The following ARFGEF1 variants were observed in gnomAD, a reference collection of about 807,000 sequenced individuals.
ARFGEF1 encodes brefeldin A-inhibited guanine nucleotide-exchange protein 1.
A neutral mutation model predicts 231.0 loss-of-function variants in ARFGEF1; 42 were observed. The observed-to-expected ratio is 0.18, with a 90% CI of 0.14 to 0.24. The LOEUF (loss-of-function observed/expected upper bound fraction) is 0.24. ARFGEF1 is among the 10% of genes least tolerant of loss of function. ARFGEF1 has a pLI of 1.00. For synonymous variants in ARFGEF1, 710 were observed against 732.3 expected (o/e 0.97, Z 0.49); for missense variants, 1,345 against 2,192.0 (o/e 0.61, Z 7.72).
intron 35 of ARFGEF1, 115 bp downstream of exon 35, chr8:67,204,565 C>T (rs554624872): frequency 7.7e-5 from 95 of 1,241,432 alleles, no homozygotes; most frequent in Non-Finnish European, 1.0e-4. Flanking sequence ...TTTAAAAGGA[C>T]ATCTGTATGA....
chr8:67,227,877 G>A, intron 25 of ARFGEF1, 86 bp downstream of exon 25: 1 of 1,139,332 alleles, frequency 8.8e-7, no homozygotes, highest in Non-Finnish European at 1.2e-6. Context: ...TTGCTTGGAA[G>A]GGAAAAAGGC....
chr8:67,253,430 TC>T lies in ARFGEF1; in HGVS notation c.2698+20del, dbSNP rs1381941730. Reference sequence around the variant, plus strand: ...ATTTTTCCCCTTGAACAATCAGAATTCAATTAATTTAGATACTTACTCTGTT... The same window carrying T: ...ATTTTTCCCCTTGAACAATCAGAATTAATTAATTTAGATACTTACTCTGTT... On this transcript the variant is annotated intron_variant, in intron 18 of 38. Transcript: ENST00000262215. 6.8e-7 allele frequency: 1 copy of T among 1,480,496 alleles called. No individual in the cohort carries two copies. Among genetic ancestry groups the T allele is most frequent in the Non-Finnish European group, 9.2e-7 (1 of 1,082,848 alleles). 91.7% of individuals were successfully genotyped at this position (1,480,496 alleles called of 1,614,324 possible). A position where few individuals can be genotyped will look rare whatever the true frequency, so the allele number is the denominator to read the frequency against.
At chr8:67,293,574 A>T (rs1587242586) in intron 5 of ARFGEF1, among the ~76,000 whole-genome samples, 1 of 152,200 alleles carries the variant, frequency 6.6e-6, no homozygotes, top group Non-Finnish European at 1.5e-5. Flanking sequence ...TCATCTATAA[A>T]AAAGAATGAG....
intron 1 of ARFGEF1, among the ~76,000 whole-genome samples, chr8:67,342,823 C>T (rs1453852822): frequency 1.3e-5 from 2 of 152,176 alleles, no homozygotes; most frequent in African/African-American, 4.8e-5. Flanking sequence ...AGCTCATCTT[C>T]TGCTTCATCA....
chr8:67,287,350 G>T (rs1342830116), intron 7 of ARFGEF1, among the ~76,000 whole-genome samples: 1 of 152,154 alleles, frequency 6.6e-6, no homozygotes, highest in Admixed American at 6.5e-5. Context: ...TGAATTAAGA[G>T]AATCTGTATG....
chr8:67,174,588 T>C, downstream of ARFGEF1: 1 of 152,100 alleles, frequency 6.6e-6, no homozygotes, highest in Non-Finnish European at 1.5e-5. Flanking sequence ...TAGTGAAACC[T>C]CGTCTCTACT....
At chr8:67,196,900 C>G (rs926987648), downstream of ARFGEF1, among the ~76,000 whole-genome samples, 10 of 152,128 alleles carry the variant, frequency 6.6e-5, no homozygotes, top group Non-Finnish European at 1.0e-4. Context: ...CACTTACTTA[C>G]AAATGCATTG....
At chr8:67,175,032 A>C, downstream of ARFGEF1, 1 of 395,200 alleles carries the variant, frequency 2.5e-6, no homozygotes, top group South Asian at 2.4e-5. Flanking sequence ...ACAGGTAGAG[A>C]TGGACAATGC....
chr8:67,322,060 T>G (rs2128928218), intron 1 of ARFGEF1, among the ~76,000 whole-genome samples: 1 of 152,328 alleles, frequency 6.6e-6, no homozygotes, highest in South Asian at 2.1e-4. Context: ...ACCTCTAGGC[T>G]TTTGCTCAAA....
At chr8:67,317,251 T>C (rs1807359158) in intron 1 of ARFGEF1, among the ~76,000 whole-genome samples, 1 of 152,196 alleles carries the variant, frequency 6.6e-6, no homozygotes, top group East Asian at 1.9e-4. Context: ...TCCTGAGTTC[T>C]GTGAGTTGCT....
At chr8:67,194,755 A>G (rs1837439953), downstream of ARFGEF1, among the ~76,000 whole-genome samples, 1 of 152,230 alleles carries the variant, frequency 6.6e-6, no homozygotes, top group East Asian at 1.9e-4. Flanking sequence ...ATACCTAATA[A>G]TAAATAAAAG....
rs550195162 is a variant in ARFGEF1, at chr8:67,232,490, T to C, written c.3380+365A>G. ...ACCTTTCATTTCATCCATAATGCAG[T>C]CTATATTGTGGACCCAGAAAAATAA... is the stretch of plus-strand genomic sequence containing the variant. On this transcript the variant is annotated intron_variant, in intron 23 of 38. Coordinates refer to ENST00000262215, the MANE Select transcript of ARFGEF1 (RefSeq NM_006421.5). Among the ~76,000 whole-genome samples the C allele has an allele frequency of 1.1e-4, 17 of 152,118 alleles. No individual in the cohort carries two copies. In the South Asian group the frequency reaches 1.5e-3, roughly 13 times the overall value.
chr8:67,338,986 C>T (rs1302120977), intron 1 of ARFGEF1, among the ~76,000 whole-genome samples: 1 of 152,126 alleles, frequency 6.6e-6, no homozygotes, highest in African/African-American at 2.4e-5. Context: ...ATTTCCCCTC[C>T]ACTGACGTAT....
At chr8:67,187,176 A>G (rs538870653) in intron 5 of ARFGEF1, among the ~76,000 whole-genome samples, 1 of 152,312 alleles carries the variant, frequency 6.6e-6, no homozygotes, top group South Asian at 2.1e-4. Context: ...TACAATCCCA[A>G]TAAAAATCCC....
chr8:67,328,209 C>T (rs897334367), intron 1 of ARFGEF1, among the ~76,000 whole-genome samples: 8 of 152,104 alleles, frequency 5.3e-5, no homozygotes, highest in African/African-American at 1.7e-4. Flanking sequence ...TGTACCTAGG[C>T]TGAAACTGTT....
intron 19 of ARFGEF1, among the ~76,000 whole-genome samples, chr8:67,242,913 C>T (rs114180633): frequency 0.017 from 2,516 of 152,222 alleles, 72 homozygotes; most frequent in African/African-American, 0.058. Flanking sequence ...GTGATGGCCA[C>T]GGGCTAAGGC....
intron 10 of ARFGEF1, among the ~76,000 whole-genome samples, chr8:67,268,570 T>C (rs1804943316): frequency 6.6e-6 from 1 of 152,144 alleles, no homozygotes; most frequent in African/African-American, 2.4e-5. Flanking sequence ...TCCGCAAAGC[T>C]GGGTTTTGGT....
chr8:67,219,262 C>T (rs1240400076), intron 30 of ARFGEF1, among the ~76,000 whole-genome samples, 169 bp downstream of exon 30: 1 of 152,172 alleles, frequency 6.6e-6, no homozygotes, highest in Admixed American at 6.5e-5. Context: ...CCACTGCGCC[C>T]AGCCAGTGTT....
At chr8:67,304,135 T>C (rs972262005) in intron 1 of ARFGEF1, among the ~76,000 whole-genome samples, 1 of 152,228 alleles carries the variant, frequency 6.6e-6, no homozygotes. Context: ...GGCCTATACA[T>C]TTTTAACACT....
Sources: allele counts gnomAD v4.1 joint callset (sites outside exome capture counted in the v4.1 genomes callset), GRCh38; gene constraint gnomAD v4.1.1; transcripts MANE v1.5; gene names NCBI Gene and HGNC (gene_info 2026-07-23, HGNC 2026-07-21).